Variants in APBB2 observed in about 807,000 individuals in gnomAD.
The protein encoded by APBB2 is amyloid beta precursor protein binding family B member 2.
APBB2 carries 38 observed loss-of-function variants against 82.5 expected under a neutral mutation model. That is an observed-to-expected ratio of 0.46 (90% CI 0.36 to 0.60). The LOEUF (loss-of-function observed/expected upper bound fraction) is 0.60. Ranked by LOEUF, APBB2 falls within the 20% of genes least tolerant of loss-of-function variation. APBB2 has a pLI of 0.00. For synonymous variants in APBB2, 341 were observed against 368.2 expected, an observed-to-expected ratio of 0.93 and a Z score of 0.85; for missense variants, 772 against 972.3, an observed-to-expected ratio of 0.79 and a Z score of 2.74.
At chr4:40,885,277 G>A (rs1769887009) in intron 12 of APBB2, among the ~76,000 whole-genome samples, 1 of 152,226 alleles carries the variant, frequency 6.6e-6, no homozygotes, top group Non-Finnish European at 1.5e-5. Flanking sequence ...AGAATGTAGA[G>A]GAGGGGTCAG....
chr4:40,878,363 A>C (rs889104852), intron 12 of APBB2, among the ~76,000 whole-genome samples: 7 of 151,928 alleles, frequency 4.6e-5, no homozygotes, highest in African/African-American at 7.3e-5. Context: ...CCAAACCAAA[A>C]CAAAACAAAA....
intron 2 of APBB2, among the ~76,000 whole-genome samples, chr4:41,104,738 G>A (rs1349938018): frequency 6.6e-6 from 1 of 152,154 alleles, no homozygotes; most frequent in Non-Finnish European, 1.5e-5. Context: ...ACTTACAAGC[G>A]AGAATGTGTG....
chr4:41,037,572 C>T (rs1027868914), intron 4 of APBB2, among the ~76,000 whole-genome samples: 3 of 152,184 alleles, frequency 2.0e-5, no homozygotes, highest in South Asian at 2.1e-4. Context: ...CTAAGGACTG[C>T]AAGACATTTA....
At chr4:41,173,165 A>T (rs1035798505) in intron 1 of APBB2, among the ~76,000 whole-genome samples, 1 of 152,240 alleles carries the variant, frequency 6.6e-6, no homozygotes, top group Non-Finnish European at 1.5e-5. Context: ...AAAACATGAA[A>T]AACTCGCTTT....
chr4:41,208,118 G>C (rs1369359727), intron 1 of APBB2, among the ~76,000 whole-genome samples: 1 of 152,142 alleles, frequency 6.6e-6, no homozygotes, highest in African/African-American at 2.4e-5. Context: ...TTACACGACA[G>C]GGACACATCC....
intron 3 of APBB2, among the ~76,000 whole-genome samples, chr4:41,076,336 A>C (rs113589013): frequency 4.6e-5 from 7 of 152,326 alleles, no homozygotes; most frequent in African/African-American, 1.7e-4. Flanking sequence ...GTAAAACTCC[A>C]TATCTTTGCT....
intron 3 of APBB2, among the ~76,000 whole-genome samples, chr4:41,077,245 A>G (rs181986336): frequency 6.7e-6 from 1 of 148,950 alleles, no homozygotes; most frequent in African/African-American, 2.5e-5. Context: ...TCCTGGGCTC[A>G]GGCAATCCTC....
chr4:40,932,243 T>C (rs564913455), intron 10 of APBB2, among the ~76,000 whole-genome samples: 6 of 152,372 alleles, frequency 3.9e-5, no homozygotes, highest in East Asian at 3.9e-4. Flanking sequence ...CTGATAGAAT[T>C]TGTAAAACAT....
At chr4:40,847,989 A>G (rs553192218) in intron 12 of APBB2, among the ~76,000 whole-genome samples, 1 of 152,144 alleles carries the variant, frequency 6.6e-6, no homozygotes, top group African/African-American at 2.4e-5. Flanking sequence ...TATTTGTTGT[A>G]GAAATGAGGT....
At chr4:40,957,476 T>C (rs1429854866) in intron 6 of APBB2, among the ~76,000 whole-genome samples, 2 of 152,226 alleles carry the variant, frequency 1.3e-5, no homozygotes, top group African/African-American at 2.4e-5. Context: ...TTCTGTCATG[T>C]AGTTGAGCCC....
intron 6 of APBB2, among the ~76,000 whole-genome samples, chr4:40,970,044 G>A (rs1403649324): frequency 6.6e-6 from 1 of 152,138 alleles, no homozygotes; most frequent in Non-Finnish European, 1.5e-5. Flanking sequence ...CTACGTCAGA[G>A]GGGATCCATC....
At position 40,901,909 on chromosome 4, in the gene APBB2, A is replaced by ATGTGTGTGTGTGTGTGTGTGTGTG. The variant is rs35766512; in HGVS notation, c.1255-8522_1255-8499dup. On this transcript the variant is annotated intron_variant, in intron 10 of 17. Transcript: ENST00000508593. ...ACACCCTGAAAATATATCCAAAATTATGTGTGTGTGTGTGTGTGTGTGTGT... is the reference window on the plus strand; with the variant it reads ...ACACCCTGAAAATATATCCAAAATTATGTGTGTGTGTGTGTGTGTGTGTGTGTGTGTGTGTGTGTGTGTGTGTGT... Among the ~76,000 whole-genome samples, 101 of 145,536 alleles carry ATGTGTGTGTGTGTGTGTGTGTGTG rather than the reference A, an allele frequency of 6.9e-4. 1 individual carries two copies. The highest frequency in any genetic ancestry group is 2.4e-3 in the African/African-American group (96 of 39,282).
chr4:40,880,261 A>G, intron 12 of APBB2: 1 of 985,080 alleles, frequency 1.0e-6, no homozygotes, highest in African/African-American at 1.7e-5. Flanking sequence ...ACACAATGAG[A>G]CTCCTTGAGT....
intron 1 of APBB2, among the ~76,000 whole-genome samples, chr4:41,164,086 T>C (rs1178008983): frequency 6.6e-6 from 1 of 152,212 alleles, no homozygotes; most frequent in Non-Finnish European, 1.5e-5. Flanking sequence ...AGGAAGTATC[T>C]TGGAGATGGA....
rs192164896 is a variant in APBB2, at chr4:40,982,021, C to T, written c.835+31562G>A. ...CCAACATGGTGAAACCCCATCTCTACTAAAAATACAAAAATTAGTTGGGCG... is the reference window on the plus strand; with the variant it reads ...CCAACATGGTGAAACCCCATCTCTATTAAAAATACAAAAATTAGTTGGGCG... On this transcript the variant is annotated intron_variant, in intron 6 of 17. Transcript: ENST00000508593. 1.3e-3 allele frequency among the ~76,000 whole-genome samples: 202 copies of T among 151,180 alleles called. 1 individual carries two copies. In the East Asian group the frequency reaches 0.019, roughly 14 times the overall value.
At chr4:41,159,306 T>C (rs1234403263) in intron 1 of APBB2, among the ~76,000 whole-genome samples, 1 of 151,988 alleles carries the variant, frequency 6.6e-6, no homozygotes, top group Non-Finnish European at 1.5e-5. Flanking sequence ...GATGAATTAA[T>C]ATAAAGTCAG....
chr4:41,113,219 G>A (rs1346296178), intron 2 of APBB2, among the ~76,000 whole-genome samples: 1 of 152,138 alleles, frequency 6.6e-6, no homozygotes, highest in Non-Finnish European at 1.5e-5. Context: ...GAATTTATAT[G>A]GACTTCCTTA....
intron 17 of APBB2, among the ~76,000 whole-genome samples, chr4:40,819,360 A>G (rs1747012740): frequency 6.6e-6 from 1 of 151,292 alleles, no homozygotes; most frequent in African/African-American, 2.4e-5. Context: ...TAATTTTTGT[A>G]TTTTTTGGTA....
chr4:40,828,344 T>C (rs565541065), intron 13 of APBB2, among the ~76,000 whole-genome samples: 2 of 152,330 alleles, frequency 1.3e-5, no homozygotes, highest in East Asian at 1.9e-4. Flanking sequence ...GCCCACCCTT[T>C]AGTGACCCCA....
Sources: allele counts gnomAD v4.1 joint callset (sites outside exome capture counted in the v4.1 genomes callset), GRCh38; gene constraint gnomAD v4.1.1; transcripts MANE v1.5; gene names NCBI Gene and HGNC (gene_info 2026-07-23, HGNC 2026-07-21).